LRIG3: variants seen among roughly 807,000 people sequenced by gnomAD.
LRIG3 encodes leucine rich repeats and immunoglobulin like domains 3.
LRIG3 carries 76 observed loss-of-function variants against 114.5 expected under a neutral mutation model. The observed-to-expected ratio is 0.66, with a 90% CI of 0.55 to 0.80. LRIG3 has a LOEUF of 0.80. Ranked by LOEUF, LRIG3 falls within the 30% of genes least tolerant of loss-of-function variation. LRIG3 has a pLI of 0.00. For synonymous variants in LRIG3, 512 were observed against 519.8 expected (o/e 0.98, Z 0.20); for missense variants, 1,239 against 1,382.8 (o/e 0.90, Z 1.65).
chr12:58,919,885 G>T, intron 1 of LRIG3, 115 bp downstream of exon 1: 1 of 1,078,070 alleles, frequency 9.3e-7, no homozygotes, highest in East Asian at 2.6e-5. Flanking sequence ...GCCTGGGCCA[G>T]AAGGAGCTAT....
At chr12:58,913,753 G>A (rs141110960) in intron 3 of LRIG3, 3 of 461,190 alleles carry the variant, frequency 6.5e-6, no homozygotes, top group East Asian at 7.2e-5. Context: ...AGACCAGTTC[G>A]GCAACAACAG....
At chr12:58,919,461 A>G in intron 1 of LRIG3, 1 of 1,551,508 alleles carries the variant, frequency 6.4e-7, no homozygotes, top group Non-Finnish European at 8.7e-7. Context: ...CAGAGGGAGA[A>G]CAACAGAAGT....
At chr12:58,905,144 T>C (rs902952701) in intron 3 of LRIG3, among the ~76,000 whole-genome samples, 6 of 152,198 alleles carry the variant, frequency 3.9e-5, no homozygotes, top group African/African-American at 1.4e-4. Context: ...CAGAGCATTG[T>C]ACGTCTTGAG....
At chr12:58,914,583 T>A in intron 1 of LRIG3, 1 of 438,310 alleles carries the variant, frequency 2.3e-6, no homozygotes, top group South Asian at 3.5e-5. Flanking sequence ...GATGTTTTTT[T>A]GGCACGTGGT....
chr12:58,920,171 C>A lies in LRIG3; in HGVS notation c.65G>T (p.Gly22Val). 6.5e-7 allele frequency: 1 copy of A among 1,536,538 alleles called. No homozygotes were observed. The highest frequency in any genetic ancestry group is 1.2e-5 in the South Asian group (1 of 83,426). ...GCCGCTGTCTGACCGGCCAGCGCGCCCCAGCACCGCGCACAGCAGCAGCCC... is the reference window on the plus strand; with the variant it reads ...GCCGCTGTCTGACCGGCCAGCGCGCACCAGCACCGCGCACAGCAGCAGCCC... ...GLGLLLCAVL[G>V]RAGRSDSGGR... Residue 22 changes from glycine (G) to valine (V), a missense_variant, in exon 1 of 19, where the codon GGG becomes GTG. Physicochemically the swap from Gly to Val is moderately radical, Grantham distance 109 (BLOSUM62 -3). Coordinates refer to ENST00000320743, the MANE Select transcript of LRIG3 (RefSeq NM_153377.5).
At chr12:58,917,626 T>C (rs1427821472) in intron 1 of LRIG3, among the ~76,000 whole-genome samples, 1 of 152,166 alleles carries the variant, frequency 6.6e-6, no homozygotes, top group East Asian at 1.9e-4. Flanking sequence ...TAGTAATAAA[T>C]CACAACCAAA....
chr12:58,896,194 C>T (rs1871636733), intron 3 of LRIG3, among the ~76,000 whole-genome samples: 1 of 152,180 alleles, frequency 6.6e-6, no homozygotes, highest in South Asian at 2.1e-4. Flanking sequence ...CTCTTAACAC[C>T]TGCCTTGAAT....
Position 58,890,025 on chromosome 12 carries a change from C to G in LRIG3, c.630G>C (p.Lys210Asn), listed in dbSNP as rs1318601937. ...NRNRISAIPP[K>N]MFKLPQLQHL... ...GTTGCAGTTGGGGCAGTTTAAACAT[C>G]TTGGGTGGGATAGCTGAGATTCGGT... The change falls in exon 5 of 19, where the codon AAG (lysine) becomes AAC (asparagine). Residue 210 changes from lysine (K) to asparagine (N), a missense_variant. Physicochemically the swap from Lys to Asn is moderately conservative, Grantham distance 94. Coordinates refer to ENST00000320743, the MANE Select transcript of LRIG3 (RefSeq NM_153377.5). 2.5e-6 allele frequency: 4 copies of G among 1,613,648 alleles called. No individual in the cohort carries two copies. The highest frequency in any genetic ancestry group is 3.4e-6 in the Non-Finnish European group (4 of 1,179,798).
At chr12:58,902,394 T>A (rs973611715) in intron 3 of LRIG3, among the ~76,000 whole-genome samples, 1 of 152,160 alleles carries the variant, frequency 6.6e-6, no homozygotes, top group Non-Finnish European at 1.5e-5. Flanking sequence ...TATCCTACCC[T>A]GTATGGTACC....
chr12:58,898,784 G>A (rs55865826), intron 3 of LRIG3, among the ~76,000 whole-genome samples: 5,740 of 151,966 alleles, frequency 0.038, 355 homozygotes, highest in African/African-American at 0.13. Flanking sequence ...TCAGCCTCCC[G>A]AGTAGCTGGG....
intron 3 of LRIG3, among the ~76,000 whole-genome samples, chr12:58,901,878 T>C (rs1040181180): frequency 2.6e-5 from 4 of 152,160 alleles, no homozygotes; most frequent in African/African-American, 9.7e-5. Flanking sequence ...TTAGAAGTGA[T>C]TAAGGAGAGG....
chr12:58,881,164 G>A (rs756898232), intron 12 of LRIG3, among the ~76,000 whole-genome samples: 3 of 152,068 alleles, frequency 2.0e-5, no homozygotes, highest in Admixed American at 6.5e-5. Context: ...TGGAGCTATC[G>A]GAAAACCCAC....
At position 58,920,485 on chromosome 12, in the gene LRIG3, C is replaced by T; in HGVS notation, c.-250G>A. The T allele has an allele frequency of 2.7e-6, 1 of 374,750 alleles. No homozygotes were observed. Among genetic ancestry groups the T allele is most frequent in the Admixed American group, 4.6e-5 (1 of 21,704 alleles). 23.2% of individuals were successfully genotyped at this position (374,750 alleles called of 1,614,324 possible). ...TGCAGCTTGAGCAGCGTCGGCTCGC[C>T]GAAGCCCCTTCTTGTCTGCAAAAGA... On this transcript the variant is annotated 5_prime_UTR_variant, in exon 1 of 19. Transcript: ENST00000320743.
In LRIG3 at chr12:58,874,344, G is replaced by C. The variant is rs751505955; in HGVS notation, c.2840-14C>G. The stretch of plus-strand genomic sequence containing the variant: ...CAGGACTGCAACCTTTTTAATATGG[G>C]GGCAGTAACAGAAGGAGATTACAGT... On this transcript the variant is annotated splice_polypyrimidine_tract_variant and intron_variant, in intron 17 of 18. Coordinates refer to ENST00000320743, the MANE Select transcript of LRIG3 (RefSeq NM_153377.5). 1 of 1,606,418 alleles carries C rather than the reference G, an allele frequency of 6.2e-7. No homozygotes were observed. Among genetic ancestry groups the C allele is most frequent in the African/African-American group, 1.3e-5 (1 of 74,444 alleles).
intron 1 of LRIG3, among the ~76,000 whole-genome samples, chr12:58,918,211 A>C (rs74099594): frequency 7.0e-4 from 107 of 152,346 alleles, no homozygotes; most frequent in African/African-American, 2.5e-3. Flanking sequence ...GCTAGTATTG[A>C]GACAATTTAC....
chr12:58,914,898 T>TA (rs1331894594), intron 1 of LRIG3, among the ~76,000 whole-genome samples: 2 of 152,206 alleles, frequency 1.3e-5, no homozygotes, highest in African/African-American at 4.8e-5. Context: ...TCTGCTTTCT[T>TA]AAATTCCCCA....
chr12:58,887,691 T>C lies in LRIG3; in HGVS notation c.1091+98A>G, dbSNP rs564607810. On this transcript the variant is annotated intron_variant, in intron 8 of 18. Coordinates refer to ENST00000320743, the MANE Select transcript of LRIG3 (RefSeq NM_153377.5). ...TTAAGATACTACTTCTGAGGCTGTA[T>C]GCATTTCCTTGACAACAAAGGAAAT... 68 of 1,253,056 alleles carry C rather than the reference T, an allele frequency of 5.4e-5. No individual in the cohort carries two copies. The South Asian group carries it at 7.9e-4, about 14-fold the overall frequency. 77.6% of individuals were successfully genotyped at this position (1,253,056 alleles called of 1,614,324 possible).
intron 15 of LRIG3, among the ~76,000 whole-genome samples, 190 bp from the exon 16 acceptor site, chr12:58,876,793 A>G (rs1013780551): frequency 2.0e-5 from 3 of 152,234 alleles, no homozygotes; most frequent in African/African-American, 7.2e-5. Flanking sequence ...TCTGGGACGT[A>G]TAAGCTGACT....
chr12:58,903,158 T>A (rs1200351463), intron 3 of LRIG3, among the ~76,000 whole-genome samples: 1 of 152,158 alleles, frequency 6.6e-6, no homozygotes, highest in Non-Finnish European at 1.5e-5. Flanking sequence ...TGACTTCCAC[T>A]AGAGTTGAAC....
Sources: allele counts gnomAD v4.1 joint callset (sites outside exome capture counted in the v4.1 genomes callset), GRCh38; gene constraint gnomAD v4.1.1; transcripts MANE v1.5; gene names NCBI Gene and HGNC (gene_info 2026-07-23, HGNC 2026-07-21).